The following ADAMTSL3 variants were observed in gnomAD, a reference collection of about 807,000 sequenced individuals.
The protein encoded by ADAMTSL3 is ADAMTS like 3.
A neutral mutation model predicts 201.7 loss-of-function variants in ADAMTSL3; 128 were observed. That is an observed-to-expected ratio of 0.63 (90% CI 0.55 to 0.73). The LOEUF (loss-of-function observed/expected upper bound fraction) is 0.73, where lower values mean the gene tolerates loss of function less well. Ranked by LOEUF, ADAMTSL3 falls within the 30% of genes least tolerant of loss-of-function variation. The pLI is 0.00. For missense variants in ADAMTSL3, 1,990 were observed against 2,119.6 expected (o/e 0.94, Z 1.20); for synonymous variants, 738 against 748.4 (o/e 0.99, Z 0.23).
chr15:83,802,543 C>T (rs1165931028), intron 4 of ADAMTSL3, among the ~76,000 whole-genome samples: 1 of 152,156 alleles, frequency 6.6e-6, no homozygotes, highest in African/African-American at 2.4e-5. Flanking sequence ...CTATAGATAC[C>T]TGCAACCACA....
chr15:83,988,557 G>A (rs1207605541), intron 21 of ADAMTSL3, 134 bp from the exon 22 acceptor site: 2 of 691,092 alleles, frequency 2.9e-6, no homozygotes, highest in Non-Finnish European at 2.1e-6. Context: ...GCAGGATGCT[G>A]GACAAAATTA....
intron 8 of ADAMTSL3, among the ~76,000 whole-genome samples, chr15:83,864,772 C>T (rs1279873472): frequency 6.6e-6 from 1 of 152,026 alleles, no homozygotes; most frequent in South Asian, 2.1e-4. Flanking sequence ...AGGGCAATCA[C>T]GCAGGAGAAA....
intron 8 of ADAMTSL3, among the ~76,000 whole-genome samples, chr15:83,865,147 G>A (rs7175339): frequency 0.38 from 58,408 of 151,894 alleles, 13,232 homozygotes; most frequent in African/African-American, 0.6. Flanking sequence ...TTCCATGCTC[G>A]TGGGTAGGAA....
chr15:83,762,248 T>C (rs1324718622), intron 3 of ADAMTSL3, among the ~76,000 whole-genome samples: 3 of 152,156 alleles, frequency 2.0e-5, no homozygotes, highest in African/African-American at 7.2e-5. Context: ...TAATATCTTA[T>C]GTCTGAAATA....
At chr15:83,709,069 A>G (rs1158577023) in intron 3 of ADAMTSL3, among the ~76,000 whole-genome samples, 3 of 152,226 alleles carry the variant, frequency 2.0e-5, no homozygotes, top group African/African-American at 7.2e-5. Flanking sequence ...GTTTACAGTT[A>G]GTAGAGCTTT....
intron 3 of ADAMTSL3, among the ~76,000 whole-genome samples, chr15:83,735,964 G>C (rs753747620): frequency 1.3e-5 from 2 of 151,990 alleles, no homozygotes; most frequent in Non-Finnish European, 2.9e-5. Context: ...AAATAATCCT[G>C]TTTGCTCTGC....
intron 6 of ADAMTSL3, among the ~76,000 whole-genome samples, chr15:83,831,633 A>G (rs1404924406): frequency 1.3e-5 from 2 of 152,142 alleles, no homozygotes; most frequent in Non-Finnish European, 2.9e-5. Flanking sequence ...GGCTCAAGTG[A>G]TTCTCCCATC....
chr15:83,810,039 TTCTA>T (rs1016763106), intron 5 of ADAMTSL3, among the ~76,000 whole-genome samples: 5 of 152,204 alleles, frequency 3.3e-5, no homozygotes, highest in African/African-American at 1.2e-4. Flanking sequence ...TGCAGTCCAT[TTCTA>T]TCAACGATGA....
At chr15:83,844,611 T>G (rs2064456283) in intron 7 of ADAMTSL3, among the ~76,000 whole-genome samples, 1 of 152,176 alleles carries the variant, frequency 6.6e-6, no homozygotes, top group Non-Finnish European at 1.5e-5. Flanking sequence ...CTGTTCCTTT[T>G]AATGGAATTA....
In ADAMTSL3 at chr15:83,825,336, C is replaced by T. The variant is rs556179377; in HGVS notation, c.600+5289C>T. ...GTTATTAAAAGCAATTTAGGTTGGG[C>T]GCATTGGCTTCTGCCTATAATCACA... is the stretch of plus-strand genomic sequence containing the variant. On this transcript the variant is annotated intron_variant, in intron 6 of 29. Transcript: ENST00000286744. Among the ~76,000 whole-genome samples, 331 of 152,228 alleles carry T rather than the reference C, an allele frequency of 2.2e-3. 1 individual carries two copies. The highest frequency in any genetic ancestry group is 4.1e-3 in the Admixed American group (62 of 15,276).
Position 83,970,632 on chromosome 15 carries a change from G to A in ADAMTSL3, c.2639G>A (p.Cys880Tyr), listed in dbSNP as rs2067179882. ...GTAAGATCTTGCCAGATGCCTGAGT[G>A]CAGTAGTAAGTATGCGGTGTCCGCG... ...PLVRSCQMPE[C>Y]SKIKSEMKTK... Residue 880 changes from cysteine (C) to tyrosine (Y), a missense_variant, in exon 20 of 30, where the codon TGC becomes TAC. By Grantham distance (194) the Cys-to-Tyr change is radical (BLOSUM62 -2). Transcript: ENST00000286744. 6.2e-7 allele frequency: 1 copy of A among 1,614,164 alleles called. No homozygotes were observed. Among genetic ancestry groups the A allele is most frequent in the East Asian group, 2.2e-5 (1 of 44,890 alleles).
chr15:83,668,555 T>C (rs1207916178), intron 2 of ADAMTSL3, among the ~76,000 whole-genome samples: 1 of 152,164 alleles, frequency 6.6e-6, no homozygotes, highest in African/African-American at 2.4e-5. Flanking sequence ...ATCAAATATG[T>C]AATGTTTTCA....
chr15:83,798,112 A>G (rs1185501815), intron 4 of ADAMTSL3, among the ~76,000 whole-genome samples: 1 of 152,206 alleles, frequency 6.6e-6, no homozygotes, highest in Admixed American at 6.5e-5. Flanking sequence ...AAAAAACTGC[A>G]GAAGGTTTTT....
chr15:83,947,585 C>T (rs1412201320), intron 19 of ADAMTSL3, among the ~76,000 whole-genome samples: 1 of 152,172 alleles, frequency 6.6e-6, no homozygotes, highest in African/African-American at 2.4e-5. Context: ...CTGAAATAGC[C>T]TCCTTTATTT....
At position 83,725,011 on chromosome 15, in the gene ADAMTSL3, A is replaced by G. The variant is rs573867023; in HGVS notation, c.189+20503A>G. 3.9e-5 allele frequency among the ~76,000 whole-genome samples: 6 copies of G among 152,224 alleles called. No homozygotes were observed. The East Asian group carries it at 1.2e-3, about 29-fold the overall frequency. On this transcript the variant is annotated intron_variant, in intron 3 of 29. Coordinates refer to ENST00000286744, the MANE Select transcript of ADAMTSL3 (RefSeq NM_207517.3). ...TAGCAATTGTGAATAGTGCTGCAAA[A>G]AACATGGGAGGGCAGATATCTCTTC...
At position 83,838,180 on chromosome 15, in the gene ADAMTSL3, G is replaced by A. The variant is rs772079266; in HGVS notation, c.692G>A (p.Arg231Gln). The change falls in exon 7 of 30, where the codon CGG becomes CAG. Residue 231 changes from arginine (R) to glutamine (Q), a missense_variant. Transcript: ENST00000286744. ...GATGGCTCCACCTGCAGGCTTGTAC[G>A]GGGACAATCAAAGTCACACGTTTCT... Reference protein sequence around the residue: ...AGDGSTCRLVRGQSKSHVSPE... With the variant: ...AGDGSTCRLVQGQSKSHVSPE... The A allele has an allele frequency of 6.8e-6, 11 of 1,613,026 alleles. 1 individual carries two copies. The Admixed American group carries it at 8.4e-5, about 12-fold the overall frequency.
At chr15:83,781,463 A>G (rs2063166694) in intron 4 of ADAMTSL3, among the ~76,000 whole-genome samples, 1 of 152,224 alleles carries the variant, frequency 6.6e-6, no homozygotes, top group African/African-American at 2.4e-5. Context: ...AAATTAACTC[A>G]AGATGGATTA....
chr15:83,720,687 G>A (rs1036009860), intron 3 of ADAMTSL3, among the ~76,000 whole-genome samples: 1 of 152,234 alleles, frequency 6.6e-6, no homozygotes, highest in Non-Finnish European at 1.5e-5. Context: ...TTTAATGACA[G>A]TAAGTATGCC....
chr15:83,764,128 C>T (rs1003002985), intron 3 of ADAMTSL3, among the ~76,000 whole-genome samples: 3 of 152,310 alleles, frequency 2.0e-5, no homozygotes, highest in African/African-American at 7.2e-5. Flanking sequence ...CACCTTTGAA[C>T]TTTGCATCTA....
Sources: allele counts gnomAD v4.1 joint callset (sites outside exome capture counted in the v4.1 genomes callset), GRCh38; gene constraint gnomAD v4.1.1; transcripts MANE v1.5; gene names NCBI Gene and HGNC (gene_info 2026-07-23, HGNC 2026-07-21).